MACROD2: variants seen among roughly 807,000 people sequenced by gnomAD.
The protein encoded by MACROD2 is ADP-ribose glycohydrolase MACROD2.
Under a neutral mutation model 70.4 loss-of-function variants are expected in MACROD2, and 36 were observed. The observed-to-expected ratio is 0.51, with a 90% confidence interval of 0.39 to 0.68. The LOEUF is 0.68. Ranked by LOEUF, MACROD2 falls within the 30% of genes least tolerant of loss-of-function variation. The probability of loss-of-function intolerance (pLI) is 0.00; values close to 1 mark genes in which losing one functional copy is unlikely to be tolerated. For synonymous variants in MACROD2, 172 were observed against 178.8 expected, an observed-to-expected ratio of 0.96 and a Z score of 0.30; for missense variants, 496 against 538.4, an observed-to-expected ratio of 0.92 and a Z score of 0.78.
At chr20:14,814,957 A>T (rs2072756948) in intron 5 of MACROD2, among the ~76,000 whole-genome samples, 2 of 148,318 alleles carry the variant, frequency 1.3e-5, no homozygotes, top group African/African-American at 4.9e-5. Context: ...GAATGAGTGA[A>T]TGGTGTCACC....
intron 8 of MACROD2, among the ~76,000 whole-genome samples, chr20:15,797,510 G>C (rs1171786558): frequency 6.8e-6 from 1 of 147,260 alleles, no homozygotes; most frequent in African/African-American, 2.6e-5. Flanking sequence ...AGAGCTCAAG[G>C]CTCATCATCG....
intron 2 of MACROD2, among the ~76,000 whole-genome samples, chr20:14,020,937 T>C (rs1306917174): frequency 6.6e-6 from 1 of 152,060 alleles, no homozygotes; most frequent in East Asian, 1.9e-4. Context: ...TGCTTGGTCA[T>C]GTACGTGACT....
At chr20:15,664,482 C>G (rs1199833221) in intron 8 of MACROD2, among the ~76,000 whole-genome samples, 1 of 152,146 alleles carries the variant, frequency 6.6e-6, no homozygotes, top group African/African-American at 2.4e-5. Flanking sequence ...TTGCGTAACA[C>G]CCCCCTAATC....
At chr20:15,275,257 C>A (rs1446814124) in intron 6 of MACROD2, among the ~76,000 whole-genome samples, 5 of 152,162 alleles carry the variant, frequency 3.3e-5, no homozygotes, top group Non-Finnish European at 7.4e-5. Flanking sequence ...CAAACAAAAA[C>A]AACCTCCCAG....
At chr20:14,204,741 AT>A (rs2081509209) in intron 3 of MACROD2, among the ~76,000 whole-genome samples, 1 of 152,212 alleles carries the variant, frequency 6.6e-6, no homozygotes, top group Non-Finnish European at 1.5e-5. Context: ...TCTGTGCTGA[AT>A]TCCAGTGTTC....
intron 5 of MACROD2, among the ~76,000 whole-genome samples, chr20:14,882,558 C>T (rs1436409271): frequency 6.6e-6 from 1 of 152,170 alleles, no homozygotes; most frequent in Non-Finnish European, 1.5e-5. Context: ...AGAAGATTTA[C>T]TCTTCTTCCC....
chr20:15,988,392 G>A (rs2066515417), intron 15 of MACROD2, among the ~76,000 whole-genome samples: 1 of 152,124 alleles, frequency 6.6e-6, no homozygotes, highest in Admixed American at 6.5e-5. Context: ...GTGCGTGTTA[G>A]CTTAATTTCT....
intron 8 of MACROD2, among the ~76,000 whole-genome samples, chr20:15,555,983 C>T (rs868473303): frequency 1.3e-5 from 2 of 152,022 alleles, no homozygotes; most frequent in African/African-American, 2.4e-5. Context: ...ACTCAGGATT[C>T]GTTGCCTGAT....
At chr20:14,374,546 C>T (rs1444873637) in intron 3 of MACROD2, among the ~76,000 whole-genome samples, 1 of 152,152 alleles carries the variant, frequency 6.6e-6, no homozygotes, top group Non-Finnish European at 1.5e-5. Context: ...AGGTATTCTT[C>T]AGTCTTGCTA....
intron 5 of MACROD2, among the ~76,000 whole-genome samples, chr20:14,934,700 T>C (rs1378874330): frequency 6.6e-6 from 1 of 152,070 alleles, no homozygotes. Context: ...GGCAGGTGAA[T>C]TGCTTGAACT....
chr20:14,352,150 A>G (rs917948900), intron 3 of MACROD2, among the ~76,000 whole-genome samples: 1 of 152,180 alleles, frequency 6.6e-6, no homozygotes, highest in African/African-American at 2.4e-5. Context: ...GAGGTTTTGC[A>G]TCAATATTCT....
intron 4 of MACROD2, among the ~76,000 whole-genome samples, chr20:14,517,901 A>G (rs1416000452): frequency 6.6e-6 from 1 of 151,626 alleles, no homozygotes; most frequent in Non-Finnish European, 1.5e-5. Context: ...TAGCCATATC[A>G]TGCTATTTGG....
At chr20:14,496,984 G>T (rs1018220127) in intron 4 of MACROD2, among the ~76,000 whole-genome samples, 1 of 151,698 alleles carries the variant, frequency 6.6e-6, no homozygotes, top group Non-Finnish European at 1.5e-5. Flanking sequence ...GGGCAAAGTT[G>T]GAATGAGAAG....
chr20:14,668,894 CT>C (rs779272921), intron 4 of MACROD2, among the ~76,000 whole-genome samples: 8 of 151,682 alleles, frequency 5.3e-5, no homozygotes, highest in Non-Finnish European at 1.2e-4. Flanking sequence ...ACTATGAGCC[CT>C]ATTGAATAAT....
intron 8 of MACROD2, among the ~76,000 whole-genome samples, chr20:15,754,024 TATAAAAAA>T (rs1210570051): frequency 3.3e-5 from 5 of 152,138 alleles, no homozygotes; most frequent in African/African-American, 1.2e-4. Context: ...AGATCAAGCT[TATAAAAAA>T]ATGTAAAAAG....
intron 3 of MACROD2, among the ~76,000 whole-genome samples, chr20:14,178,587 A>G (rs1265830282): frequency 1.3e-5 from 2 of 152,134 alleles, no homozygotes; most frequent in Non-Finnish European, 2.9e-5. Context: ...TTGAGTAGAA[A>G]TGGGTTGGAA....
At chr20:15,207,585 G>A (rs2076722473) in intron 5 of MACROD2, among the ~76,000 whole-genome samples, 1 of 151,826 alleles carries the variant, frequency 6.6e-6, no homozygotes, top group Admixed American at 6.6e-5. Context: ...TGGGACTACA[G>A]GTGTGTGCCA....
intron 5 of MACROD2, among the ~76,000 whole-genome samples, chr20:14,932,463 C>T (rs985561854): frequency 6.6e-6 from 1 of 152,136 alleles, no homozygotes; most frequent in African/African-American, 2.4e-5. Context: ...TAAAAGTTAT[C>T]CATCTTTCTT....
chr20:14,128,204 A>T, intron 3 of MACROD2: 1 of 381,132 alleles, frequency 2.6e-6, no homozygotes, highest in Non-Finnish European at 5.1e-6. Flanking sequence ...AATCCTAAGA[A>T]GATTTGGGAG....
Sources: gnomAD v4.1 joint callset for allele counts (sites outside exome capture counted in the v4.1 genomes callset) on GRCh38, gnomAD v4.1.1 for gene constraint, MANE v1.5 for transcripts, NCBI Gene and HGNC (gene_info 2026-07-23, HGNC 2026-07-21) for gene names.